Variants in NDFIP2 observed in about 807,000 individuals in gnomAD.
The protein encoded by NDFIP2 is NEDD4 family-interacting protein 2.
In NDFIP2, 19 loss-of-function variants were observed where a neutral mutation model predicts 36.0. The ratio of observed to expected loss-of-function variants is 0.53; its 90% CI spans 0.37 to 0.77. The LOEUF (loss-of-function observed/expected upper bound fraction) is 0.77, where lower values mean the gene tolerates loss of function less well. Among genes scored for constraint, NDFIP2 ranks in the 30% least tolerant of loss-of-function variants. NDFIP2 has a pLI of 0.00. For missense variants in NDFIP2, 446 were observed against 435.8 expected (o/e 1.02, Z -0.21); for synonymous variants, 181 against 167.7 (o/e 1.08, Z -0.61).
At chr13:79,534,758 A>G (rs1454682064) in intron 3 of NDFIP2, among the ~76,000 whole-genome samples, 1 of 152,146 alleles carries the variant, frequency 6.6e-6, no homozygotes, top group African/African-American at 2.4e-5. Context: ...ATGTGCTTCC[A>G]TGTATGGCAT....
intron 4 of NDFIP2, among the ~76,000 whole-genome samples, chr13:79,540,061 G>C (rs1422263706): frequency 6.6e-6 from 1 of 152,178 alleles, no homozygotes; most frequent in Non-Finnish European, 1.5e-5. Flanking sequence ...TTTTTAAAGA[G>C]AAATACTGCT....
chr13:79,530,359 C>G (rs1447011017), intron 2 of NDFIP2, among the ~76,000 whole-genome samples: 1 of 152,166 alleles, frequency 6.6e-6, no homozygotes, highest in Non-Finnish European at 1.5e-5. Flanking sequence ...TCAAGTGATC[C>G]TTTAGCCTCA....
chr13:79,552,157 A>G (rs920028910), intron 7 of NDFIP2, among the ~76,000 whole-genome samples: 3 of 151,236 alleles, frequency 2.0e-5, no homozygotes, highest in African/African-American at 7.3e-5. Flanking sequence ...GTCTCCCCCA[A>G]CCACTCCCAA....
intron 5 of NDFIP2, among the ~76,000 whole-genome samples, chr13:79,545,657 C>A (rs1233145921): frequency 6.6e-6 from 1 of 152,184 alleles, no homozygotes; most frequent in African/African-American, 2.4e-5. Flanking sequence ...AACTGTATCT[C>A]TGATGCTGGT....
intron 1 of NDFIP2, among the ~76,000 whole-genome samples, chr13:79,491,806 G>A (rs1873234615): frequency 1.3e-5 from 2 of 152,126 alleles, no homozygotes; most frequent in Admixed American, 1.3e-4. Context: ...ATCATCGTAT[G>A]TCTCTGTTTT....
chr13:79,530,598 C>A (rs1005545126), intron 2 of NDFIP2, among the ~76,000 whole-genome samples: 7 of 152,226 alleles, frequency 4.6e-5, no homozygotes, highest in Admixed American at 3.9e-4. Flanking sequence ...GTCAGTTAAA[C>A]TTATGTAATC....
intron 1 of NDFIP2, among the ~76,000 whole-genome samples, chr13:79,496,153 A>T (rs1873426752): frequency 6.6e-6 from 1 of 151,944 alleles, no homozygotes; most frequent in African/African-American, 2.4e-5. Flanking sequence ...ATTCTTGAAG[A>T]CACGTTTCCC....
intron 5 of NDFIP2, among the ~76,000 whole-genome samples, chr13:79,546,619 C>A (rs752367402): frequency 8.6e-5 from 13 of 152,022 alleles, no homozygotes; most frequent in Non-Finnish European, 1.8e-4. Flanking sequence ...GTAATGAGTC[C>A]AAAAGCATTT....
intron 1 of NDFIP2, among the ~76,000 whole-genome samples, chr13:79,509,708 A>AGAGAG (rs1465724589): frequency 9.9e-6 from 1 of 100,936 alleles, no homozygotes; most frequent in Non-Finnish European, 2.0e-5. Flanking sequence ...GAGAGAGAGA[A>AGAGAG]GTTTATTAAC....
intron 1 of NDFIP2, among the ~76,000 whole-genome samples, chr13:79,500,967 C>G (rs1873643789): frequency 6.6e-6 from 1 of 151,964 alleles, no homozygotes. Context: ...ATACAGAGAA[C>G]AGATTATTAT....
chr13:79,515,373 C>T (rs559475193), intron 1 of NDFIP2, among the ~76,000 whole-genome samples: 1 of 152,282 alleles, frequency 6.6e-6, no homozygotes, highest in African/African-American at 2.4e-5. Context: ...TTTAAAACCA[C>T]ATCACTTTGT....
In NDFIP2 at chr13:79,496,791, C is replaced by A. The variant is rs866448209; in HGVS notation, c.321+15267C>A. 2.6e-5 allele frequency among the ~76,000 whole-genome samples: 4 copies of A among 151,792 alleles called. No individual in the cohort carries two copies. In the South Asian group the frequency reaches 8.3e-4, roughly 32 times the overall value. On this transcript the variant is annotated intron_variant, in intron 1 of 7. Transcript: ENST00000218652. ...AATTGTATAATTTTACCATTTCTTT[C>A]CTCTTAATTGTGCCATTGATCCCAT...
At chr13:79,540,858 T>TA (rs1315003462) in intron 4 of NDFIP2, among the ~76,000 whole-genome samples, 1 of 152,170 alleles carries the variant, frequency 6.6e-6, no homozygotes, top group Non-Finnish European at 1.5e-5. Flanking sequence ...AACCAGCTAA[T>TA]GTATATGCAA....
intron 1 of NDFIP2, among the ~76,000 whole-genome samples, chr13:79,504,548 A>G (rs1423926038): frequency 1.3e-5 from 2 of 152,138 alleles, no homozygotes; most frequent in Non-Finnish European, 2.9e-5. Context: ...AAAAGAAAAA[A>G]CATTTTTATA....
chr13:79,505,964 A>G (rs1204316676), intron 1 of NDFIP2, among the ~76,000 whole-genome samples: 1 of 152,172 alleles, frequency 6.6e-6, no homozygotes, highest in African/African-American at 2.4e-5. Context: ...TCTTGTAAAG[A>G]CGAAAATGAT....
chr13:79,549,676 C>T (rs536454269), intron 6 of NDFIP2, among the ~76,000 whole-genome samples: 3 of 151,764 alleles, frequency 2.0e-5, no homozygotes, highest in Non-Finnish European at 4.4e-5. Context: ...TTAGAAAATG[C>T]CTGAGAAGTA....
chr13:79,549,674 T>C (rs1206570131), intron 6 of NDFIP2, among the ~76,000 whole-genome samples: 3 of 151,846 alleles, frequency 2.0e-5, no homozygotes, highest in Non-Finnish European at 4.4e-5. Context: ...TTTTAGAAAA[T>C]GCCTGAGAAG....
intron 2 of NDFIP2, among the ~76,000 whole-genome samples, chr13:79,528,669 T>C (rs1874892708): frequency 6.6e-6 from 1 of 152,208 alleles, no homozygotes; most frequent in Non-Finnish European, 1.5e-5. Flanking sequence ...ACTTTTTCTA[T>C]GTTTAGATGT....
chr13:79,549,964 G>C (rs532881510), intron 6 of NDFIP2, among the ~76,000 whole-genome samples: 25 of 151,818 alleles, frequency 1.6e-4, no homozygotes, highest in Admixed American at 1.4e-3. Flanking sequence ...CTACACACAT[G>C]CTTCTTGTTT....
Sources: gnomAD v4.1 joint callset for allele counts (sites outside exome capture counted in the v4.1 genomes callset) on GRCh38, gnomAD v4.1.1 for gene constraint, MANE v1.5 for transcripts, NCBI Gene and HGNC (gene_info 2026-07-23, HGNC 2026-07-21) for gene names.